ADAMTS16: variants seen among roughly 807,000 people sequenced by gnomAD.
ADAMTS16 encodes the protein ADAM metallopeptidase with thrombospondin type 1 motif 16, also known as A disintegrin and metalloproteinase with thrombospondin motifs 16.
Under a neutral mutation model 145.8 loss-of-function variants are expected in ADAMTS16, and 94 were observed. That is an observed-to-expected ratio of 0.64 (90% confidence interval 0.55 to 0.77). ADAMTS16 has a LOEUF of 0.77. Ranked by LOEUF, ADAMTS16 falls within the 30% of genes least tolerant of loss-of-function variation. The pLI, the probability that ADAMTS16 is intolerant of heterozygous loss-of-function variation, is 0.00. For missense variants in ADAMTS16, 1,585 were observed against 1,591.5 expected, an observed-to-expected ratio of 1.00 and a Z score of 0.07; for synonymous variants, 659 against 604.3, an observed-to-expected ratio of 1.09 and a Z score of -1.33.
intron 18 of ADAMTS16, among the ~76,000 whole-genome samples, chr5:5,302,294 C>T (rs967039362): frequency 4.6e-5 from 7 of 152,124 alleles, no homozygotes; most frequent in African/African-American, 1.7e-4. Context: ...ACTTTAATCA[C>T]CAGGAAAGAA....
chr5:5,192,064 A>G (rs181658112), intron 8 of ADAMTS16, among the ~76,000 whole-genome samples: 1 of 152,284 alleles, frequency 6.6e-6, no homozygotes, highest in East Asian at 1.9e-4. Context: ...GCTCACTGCA[A>G]TGTCTGCCTC....
intron 17 of ADAMTS16, among the ~76,000 whole-genome samples, chr5:5,245,332 G>A (rs1383709002): frequency 1.3e-5 from 2 of 152,092 alleles, no homozygotes; most frequent in Non-Finnish European, 2.9e-5. Context: ...CTCATTCTCA[G>A]TTTTTCAATT....
intron 9 of ADAMTS16, among the ~76,000 whole-genome samples, chr5:5,203,280 A>G (rs1158947301): frequency 6.6e-6 from 1 of 152,228 alleles, no homozygotes; most frequent in Non-Finnish European, 1.5e-5. Flanking sequence ...GGACACTTCT[A>G]TAGTGTGTTA....
chr5:5,162,592 G>T (rs554224149), intron 3 of ADAMTS16, among the ~76,000 whole-genome samples: 2 of 152,230 alleles, frequency 1.3e-5, no homozygotes, highest in Non-Finnish European at 2.9e-5. Context: ...GAACAGCTCT[G>T]CAATTCTGTA....
At chr5:5,291,530 C>A (rs1739316165) in intron 18 of ADAMTS16, among the ~76,000 whole-genome samples, 1 of 152,178 alleles carries the variant, frequency 6.6e-6, no homozygotes, top group Admixed American at 6.5e-5. Flanking sequence ...TGACCATCTC[C>A]CCTTTGCGGA....
intron 18 of ADAMTS16, among the ~76,000 whole-genome samples, chr5:5,282,756 T>C (rs1382818274): frequency 1.3e-5 from 2 of 152,350 alleles, no homozygotes; most frequent in African/African-American, 2.4e-5. Flanking sequence ...GATTACATTG[T>C]ATTATTAGAT....
chr5:5,274,322 A>T (rs1434042368), intron 18 of ADAMTS16, among the ~76,000 whole-genome samples: 1 of 151,966 alleles, frequency 6.6e-6, no homozygotes, highest in East Asian at 1.9e-4. Flanking sequence ...AATATAGGGG[A>T]GCTTCACTGC....
intron 18 of ADAMTS16, among the ~76,000 whole-genome samples, chr5:5,298,547 G>A (rs1198627044): frequency 6.6e-6 from 1 of 152,248 alleles, no homozygotes; most frequent in Non-Finnish European, 1.5e-5. Context: ...TGTCTCCCAA[G>A]TTCTGCTGAT....
Position 5,182,283 on chromosome 5 carries a change from T to A in ADAMTS16, c.741T>A (p.His247Gln), listed in dbSNP as rs879198217. 1 of 1,612,930 alleles carries A rather than the reference T, an allele frequency of 6.2e-7. No homozygotes were observed. Among genetic ancestry groups the A allele is most frequent in the South Asian group, 1.1e-5 (1 of 90,998 alleles). Residue 247 changes from histidine to glutamine, a missense_variant, in exon 4 of 23, where the codon CAT (histidine) becomes CAA (glutamine). His to Gln is a conservative substitution (Grantham distance 24). Coordinates refer to ENST00000274181, the MANE Select transcript of ADAMTS16 (RefSeq NM_139056.4). Reference sequence around the variant, plus strand: ...GCCTGGGACTGCCACAAAAGCAGCATTTCTGTGGAAGACGCAAGAAATGTA... The same window carrying A: ...GCCTGGGACTGCCACAAAAGCAGCAATTCTGTGGAAGACGCAAGAAATGTA... ...DLRLGLPQKQHFCGRRKKYMP... is the reference protein window; with the variant it reads ...DLRLGLPQKQQFCGRRKKYMP...
rs530443381 is a variant in ADAMTS16 at position 5,318,189 on chromosome 5, G to T, written c.3467G>T (p.Gly1156Val). The change falls in exon 22 of 23, where the codon GGG (glycine) becomes GTG (valine). Residue 1156 changes from glycine to valine, a missense_variant. Transcript: ENST00000274181. ...ACGAGGTCCGTGCAGTGCCTGGCTG[G>T]GGGCCGGCCGGCCTCAGGCTGCCTC... ...VQTRSVQCLA[G>V]GRPASGCLLH... 4.9e-5 allele frequency: 77 copies of T among 1,561,650 alleles called. No individual in the cohort carries two copies. The South Asian group carries it at 8.3e-4, about 17-fold the overall frequency.
chr5:5,179,676 G>C (rs975505534), intron 3 of ADAMTS16, among the ~76,000 whole-genome samples: 1 of 152,190 alleles, frequency 6.6e-6, no homozygotes, highest in African/African-American at 2.4e-5. Flanking sequence ...AGAAGGTTCC[G>C]AAGTAATTCA....
chr5:5,274,986 G>A (rs1398735747), intron 18 of ADAMTS16, among the ~76,000 whole-genome samples: 1 of 152,150 alleles, frequency 6.6e-6, no homozygotes, highest in East Asian at 1.9e-4. Flanking sequence ...ATTTTGGAAT[G>A]AGAATGCAAA....
chr5:5,220,726 C>T (rs1404318871), intron 10 of ADAMTS16, among the ~76,000 whole-genome samples: 4 of 152,050 alleles, frequency 2.6e-5, no homozygotes, highest in Non-Finnish European at 5.9e-5. Context: ...GACAAGTCCA[C>T]GATTAGACGT....
chr5:5,229,647 C>G (rs970238190), intron 11 of ADAMTS16, among the ~76,000 whole-genome samples: 5 of 152,130 alleles, frequency 3.3e-5, no homozygotes, highest in Non-Finnish European at 7.3e-5. Context: ...TTCCTGGCTC[C>G]TGTCAAGAGG....
At chr5:5,173,515 C>A (rs779273558) in intron 3 of ADAMTS16, among the ~76,000 whole-genome samples, 37 of 151,874 alleles carry the variant, frequency 2.4e-4, no homozygotes, top group Non-Finnish European at 4.4e-4. Context: ...ACTCTGTCCC[C>A]CAGGCTCGAG....
intron 11 of ADAMTS16, among the ~76,000 whole-genome samples, chr5:5,230,584 G>A (rs190514303): frequency 6.6e-6 from 1 of 152,296 alleles, no homozygotes; most frequent in East Asian, 1.9e-4. Context: ...AGGCAGGACT[G>A]CAGGTTTCAA....
intron 18 of ADAMTS16, among the ~76,000 whole-genome samples, chr5:5,286,715 A>G (rs10063080): frequency 0.63 from 95,451 of 151,778 alleles, 30,500 homozygotes; most frequent in Non-Finnish European, 0.67. Context: ...AAAATTACCC[A>G]GGTGCGGTGG....
intron 18 of ADAMTS16, among the ~76,000 whole-genome samples, chr5:5,285,795 A>G (rs1473077852): frequency 6.6e-6 from 1 of 152,220 alleles, no homozygotes; most frequent in African/African-American, 2.4e-5. Context: ...TTTAACTCAT[A>G]ATACACAACA....
intron 4 of ADAMTS16, among the ~76,000 whole-genome samples, chr5:5,185,578 G>A (rs1417093108): frequency 6.6e-6 from 1 of 152,216 alleles, no homozygotes; most frequent in Non-Finnish European, 1.5e-5. Context: ...AGACAAGCTA[G>A]TTATGTGTCC....
Sources: gnomAD v4.1 joint callset for allele counts (sites outside exome capture counted in the v4.1 genomes callset) on GRCh38, gnomAD v4.1.1 for gene constraint, MANE v1.5 for transcripts, NCBI Gene and HGNC (gene_info 2026-07-23, HGNC 2026-07-21) for gene names.